Variants in SLC1A3 observed in about 807,000 individuals in gnomAD.
The protein encoded by SLC1A3 is solute carrier family 1 member 3, also known as excitatory amino acid transporter 1.
A neutral mutation model predicts 48.1 loss-of-function variants in SLC1A3; 21 were observed. That is an observed-to-expected ratio of 0.44 (90% CI 0.31 to 0.63). SLC1A3 has a LOEUF of 0.63. SLC1A3 is among the 20% of genes least tolerant of loss of function. SLC1A3 has a pLI of 0.08. For missense variants in SLC1A3, 546 were observed against 689.0 expected (o/e 0.79, Z 2.32); for synonymous variants, 239 against 251.4 (o/e 0.95, Z 0.47).
intron 3 of SLC1A3, among the ~76,000 whole-genome samples, chr5:36,658,874 G>C (rs1035121920): frequency 3.3e-5 from 5 of 152,024 alleles, no homozygotes; most frequent in African/African-American, 1.2e-4. Context: ...TCTGAATAAA[G>C]CCACTATGTT....
At chr5:36,632,495 T>A (rs1740173398) in intron 3 of SLC1A3, among the ~76,000 whole-genome samples, 1 of 152,210 alleles carries the variant, frequency 6.6e-6, no homozygotes, top group African/African-American at 2.4e-5. Context: ...GAAAGCCTCT[T>A]CTCTCCATCT....
At chr5:36,637,731 G>A (rs915716426) in intron 3 of SLC1A3, among the ~76,000 whole-genome samples, 1 of 152,108 alleles carries the variant, frequency 6.6e-6, no homozygotes, top group Non-Finnish European at 1.5e-5. Flanking sequence ...GAGGTGGCAG[G>A]TTGGGGTTGG....
chr5:36,652,801 A>G (rs1741136425), intron 3 of SLC1A3, among the ~76,000 whole-genome samples: 1 of 152,216 alleles, frequency 6.6e-6, no homozygotes, highest in South Asian at 2.1e-4. Flanking sequence ...GACATTACAT[A>G]CCCACACTTT....
intron 8 of SLC1A3, among the ~76,000 whole-genome samples, chr5:36,681,995 GCTT>G (rs1432149985): frequency 6.6e-6 from 1 of 152,098 alleles, no homozygotes; most frequent in Admixed American, 6.5e-5. Context: ...TGCCATTTTT[GCTT>G]CTTCTTTCTC....
intron 3 of SLC1A3, among the ~76,000 whole-genome samples, chr5:36,635,134 A>G (rs1057443801): frequency 6.6e-6 from 1 of 151,554 alleles, no homozygotes; most frequent in East Asian, 1.9e-4. Flanking sequence ...TGTAGATTTC[A>G]CCACCTGCCC....
At chr5:36,647,888 G>A (rs182649791) in intron 3 of SLC1A3, among the ~76,000 whole-genome samples, 3 of 152,254 alleles carry the variant, frequency 2.0e-5, no homozygotes, top group Admixed American at 6.5e-5. Flanking sequence ...CACTAACTTC[G>A]TGGCTTCTTG....
At chr5:36,664,787 T>G (rs372297252) in intron 3 of SLC1A3, among the ~76,000 whole-genome samples, 1 of 152,196 alleles carries the variant, frequency 6.6e-6, no homozygotes, top group Non-Finnish European at 1.5e-5. Flanking sequence ...TGTTAACATA[T>G]GGACAGATAG....
Position 36,677,023 on chromosome 5 carries a change from A to C in SLC1A3, c.699A>C (p.Pro233=). 6.2e-7 allele frequency: 1 copy of C among 1,614,142 alleles called. No homozygotes were observed. The part of the protein sequence containing the change: ...TLTRITEELV[P]VPGSVNGVNA... ...CCCGAATCACAGAGGAGCTGGTCCCAGTTCCAGGATCTGTGAATGGAGTCA... is the reference window on the plus strand; with the variant it reads ...CCCGAATCACAGAGGAGCTGGTCCCCGTTCCAGGATCTGTGAATGGAGTCA... Residue 233 remains proline, a synonymous_variant, in exon 6 of 10, where the codon CCA becomes CCC. Coordinates refer to ENST00000265113, the MANE Select transcript of SLC1A3 (RefSeq NM_004172.5).
chr5:36,630,917 G>C (rs1313042548), intron 3 of SLC1A3, among the ~76,000 whole-genome samples: 1 of 152,198 alleles, frequency 6.6e-6, no homozygotes, highest in Non-Finnish European at 1.5e-5. Context: ...TTGCTGACCA[G>C]GGGTAATCAC....
At chr5:36,647,030 G>A (rs1260070826) in intron 3 of SLC1A3, among the ~76,000 whole-genome samples, 1 of 152,176 alleles carries the variant, frequency 6.6e-6, no homozygotes, top group Non-Finnish European at 1.5e-5. Flanking sequence ...CCTGTGGGAT[G>A]TTTCTCATCG....
intron 4 of SLC1A3, among the ~76,000 whole-genome samples, chr5:36,672,478 C>G (rs985472712): frequency 2.6e-5 from 4 of 152,218 alleles, no homozygotes; most frequent in African/African-American, 9.7e-5. Flanking sequence ...GCTCTTTCCT[C>G]CCAGCTTTTC....
At chr5:36,684,181 C>T (rs891834518) in intron 9 of SLC1A3, among the ~76,000 whole-genome samples, 183 bp downstream of exon 9, 1 of 152,220 alleles carries the variant, frequency 6.6e-6, no homozygotes, top group Non-Finnish European at 1.5e-5. Context: ...CCCCAGATGC[C>T]ATGTGCACTC....
chr5:36,639,935 G>T (rs978871131), intron 3 of SLC1A3, among the ~76,000 whole-genome samples: 5 of 152,078 alleles, frequency 3.3e-5, no homozygotes, highest in African/African-American at 1.2e-4. Context: ...CTGGGAACCC[G>T]CATTCCGTTA....
chr5:36,639,993 T>G (rs1345018359), intron 3 of SLC1A3, among the ~76,000 whole-genome samples: 2 of 152,058 alleles, frequency 1.3e-5, no homozygotes, highest in Non-Finnish European at 2.9e-5. Context: ...ATGCTGGAGT[T>G]TCTGCTAGCA....
intron 3 of SLC1A3, among the ~76,000 whole-genome samples, chr5:36,655,829 G>A (rs1228661351): frequency 6.6e-6 from 1 of 152,112 alleles, no homozygotes; most frequent in African/African-American, 2.4e-5. Flanking sequence ...ATGACAGAAT[G>A]GTTTCCAAGG....
Position 36,611,603 on chromosome 5 carries a change from A to G in SLC1A3, c.181+2999A>G, listed in dbSNP as rs568344486. On this transcript the variant is annotated intron_variant, in intron 2 of 9. Coordinates refer to ENST00000265113, the MANE Select transcript of SLC1A3 (RefSeq NM_004172.5). ...CCATGACAAAAGCTCATGTAACAAGAGCGGTTAGCAATCCGAGAGAACACA... is the reference window on the plus strand; with the variant it reads ...CCATGACAAAAGCTCATGTAACAAGGGCGGTTAGCAATCCGAGAGAACACA... Among the ~76,000 whole-genome samples, 7 of 152,296 alleles carry G rather than the reference A, an allele frequency of 4.6e-5. No individual in the cohort carries two copies. In the South Asian group the frequency reaches 1.5e-3, roughly 32 times the overall value.
At chr5:36,671,342 G>C in intron 4 of SLC1A3, 109 bp downstream of exon 4, 1 of 765,912 alleles carries the variant, frequency 1.3e-6, no homozygotes, top group Non-Finnish European at 2.3e-6. Context: ...AGCCTTGCCA[G>C]GCTTGAAATG....
chr5:36,599,527 T>TTTTTTTTTTG (rs397997372), intron 1 of SLC1A3, among the ~76,000 whole-genome samples: 1 of 145,516 alleles, frequency 6.9e-6, no homozygotes, highest in Admixed American at 7.0e-5. Context: ...TTTTTTTTTT[T>TTTTTTTTTTG]GAGACGGAGT....
At chr5:36,602,735 T>C (rs1579932711), upstream of SLC1A3, among the ~76,000 whole-genome samples, 1 of 152,340 alleles carries the variant, frequency 6.6e-6, no homozygotes, top group Middle Eastern at 3.4e-3. Flanking sequence ...GGGGGGTTCC[T>C]CTTGCTGGTC....
Sources: allele counts gnomAD v4.1 joint callset (sites outside exome capture counted in the v4.1 genomes callset), GRCh38; gene constraint gnomAD v4.1.1; transcripts MANE v1.5; gene names NCBI Gene and HGNC (gene_info 2026-07-23, HGNC 2026-07-21).